The following FUT9 variants were observed in gnomAD, a reference collection of about 807,000 sequenced individuals.
The protein encoded by FUT9 is fucosyltransferase 9.
FUT9 carries 15 observed loss-of-function variants against 29.7 expected under a neutral mutation model. The ratio of observed to expected loss-of-function variants is 0.51; its 90% CI spans 0.34 to 0.78. The LOEUF is 0.78. Ranked by LOEUF, FUT9 falls within the 30% of genes least tolerant of loss-of-function variation. The pLI, the probability that FUT9 is intolerant of heterozygous loss-of-function variation, is 0.01. For synonymous variants in FUT9, 169 were observed against 153.7 expected (o/e 1.10, Z -0.74); for missense variants, 319 against 425.4 (o/e 0.75, Z 2.20).
At position 96,165,847 on chromosome 6, in the gene FUT9, C is replaced by T. The variant is rs141918254; in HGVS notation, c.-8-37301C>T. On this transcript the variant is annotated intron_variant, in intron 2 of 2. Coordinates refer to ENST00000302103, the MANE Select transcript of FUT9 (RefSeq NM_006581.4). Reference sequence around the variant, plus strand: ...CCCAGGCTGGTCTTGGACTCTTGACCTCAAGTGATCCACCAGCCTCAACCT... The same window carrying T: ...CCCAGGCTGGTCTTGGACTCTTGACTTCAAGTGATCCACCAGCCTCAACCT... Among the ~76,000 whole-genome samples the T allele has an allele frequency of 9.4e-3, 1,430 of 152,168 alleles. 24 individuals are homozygous for T. Among genetic ancestry groups the T allele is most frequent in the African/African-American group, 0.033 (1,371 of 41,518 alleles).
chr6:96,120,184 T>G (rs921920976), intron 2 of FUT9, among the ~76,000 whole-genome samples: 3 of 151,968 alleles, frequency 2.0e-5, no homozygotes, highest in Non-Finnish European at 2.9e-5. Context: ...TCTATTTTAT[T>G]TGTTTTGTTT....
chr6:96,172,834 T>C (rs1582284226), intron 2 of FUT9, among the ~76,000 whole-genome samples: 1 of 152,148 alleles, frequency 6.6e-6, no homozygotes, highest in Non-Finnish European at 1.5e-5. Flanking sequence ...TTCTCAATCT[T>C]GAAGGGAGCA....
intron 2 of FUT9, among the ~76,000 whole-genome samples, chr6:96,168,174 G>A (rs1773048226): frequency 6.6e-6 from 1 of 152,148 alleles, no homozygotes; most frequent in Admixed American, 6.6e-5. Context: ...GATTTGATGA[G>A]CTTTATTTGA....
At chr6:96,131,577 G>A (rs1286977529) in intron 2 of FUT9, among the ~76,000 whole-genome samples, 6 of 152,182 alleles carry the variant, frequency 3.9e-5, no homozygotes, top group East Asian at 1.9e-4. Flanking sequence ...CAGCTTATTC[G>A]CATTCTACTG....
chr6:96,197,870 T>C (rs1316373738), intron 2 of FUT9, among the ~76,000 whole-genome samples: 2 of 152,162 alleles, frequency 1.3e-5, no homozygotes, highest in Non-Finnish European at 2.9e-5. Flanking sequence ...TATTGAACTT[T>C]GTTCTATAGC....
intron 2 of FUT9, among the ~76,000 whole-genome samples, chr6:96,136,345 A>G (rs1772349436): frequency 6.6e-6 from 1 of 151,904 alleles, no homozygotes; most frequent in Non-Finnish European, 1.5e-5. Flanking sequence ...AGTTAGATTC[A>G]ATGAGAAATA....
At chr6:96,071,983 C>A (rs975163115) in intron 1 of FUT9, among the ~76,000 whole-genome samples, 1 of 152,000 alleles carries the variant, frequency 6.6e-6, no homozygotes, top group Non-Finnish European at 1.5e-5. Context: ...AGATGTGGTG[C>A]AAAATGCTCT....
intron 1 of FUT9, among the ~76,000 whole-genome samples, chr6:96,112,074 G>T (rs2127961070): frequency 6.6e-6 from 1 of 152,258 alleles, no homozygotes; most frequent in Admixed American, 6.5e-5. Flanking sequence ...AGATAGTTAA[G>T]CAGAATAGTC....
chr6:96,145,954 G>A (rs55989725), intron 2 of FUT9, among the ~76,000 whole-genome samples: 1 of 4,116 alleles, frequency 2.4e-4, no homozygotes, highest in African/African-American at 2.6e-4. Context: ...CTCCCAGGTT[G>A]AGGTCCTCCT....
At chr6:96,061,434 A>C (rs956122584) in intron 1 of FUT9, among the ~76,000 whole-genome samples, 1 of 150,870 alleles carries the variant, frequency 6.6e-6, no homozygotes, top group African/African-American at 2.4e-5. Flanking sequence ...ATAGTTTTAC[A>C]AACGCTTTCA....
rs1212599318 is a variant in FUT9, at chr6:96,204,114, A to G, written c.959A>G (p.Lys320Arg). ...KLYLSYFNWR[K>R]DFTVNLPRFW... ...TACCTTAGTTACTTTAACTGGAGGA[A>G]GGATTTCACTGTAAATCTTCCACGA... is the stretch of plus-strand genomic sequence containing the variant. The change falls in exon 3 of 3, where the codon AAG becomes AGG. Residue 320 changes from lysine (K) to arginine (R), a missense_variant. By Grantham distance (26) the Lys-to-Arg change is conservative. Transcript: ENST00000302103. The G allele has an allele frequency of 6.6e-7, 1 of 1,504,938 alleles. No homozygotes were observed. Among genetic ancestry groups the G allele is most frequent in the East Asian group, 2.3e-5 (1 of 43,928 alleles). 93.2% of individuals were successfully genotyped at this position (1,504,938 alleles called of 1,614,324 possible).
chr6:96,164,988 G>C (rs1772987081), intron 2 of FUT9, among the ~76,000 whole-genome samples: 1 of 152,156 alleles, frequency 6.6e-6, no homozygotes, highest in Admixed American at 6.5e-5. Context: ...TCAGAGATGG[G>C]CTAGAGGAAT....
chr6:96,089,769 A>G (rs1771379570), intron 1 of FUT9, among the ~76,000 whole-genome samples: 2 of 152,194 alleles, frequency 1.3e-5, no homozygotes, highest in Admixed American at 1.3e-4. Context: ...GAAAAAAGGA[A>G]TCATAACAGC....
chr6:96,022,320 T>A (rs1054111454), intron 1 of FUT9, among the ~76,000 whole-genome samples: 8 of 152,170 alleles, frequency 5.3e-5, no homozygotes, highest in Admixed American at 4.6e-4. Flanking sequence ...AGAGGCTGCA[T>A]GAAGGCAGTC....
At position 96,035,675 on chromosome 6, in the gene FUT9, TATA is replaced by T. The variant is rs553873476; in HGVS notation, c.-98+19467_-98+19469del. On this transcript the variant is annotated intron_variant, in intron 1 of 2. Coordinates refer to ENST00000302103, the MANE Select transcript of FUT9 (RefSeq NM_006581.4). ...ATACTAATATAATATTATATTAAAATATAATATTATATTTATTATACTAATAAA... is the reference window on the plus strand; with the variant it reads ...ATACTAATATAATATTATATTAAAATATATTATATTTATTATACTAATAAA... Among the ~76,000 whole-genome samples, 1,220 of 139,656 alleles carry T rather than the reference TATA, an allele frequency of 8.7e-3. 17 individuals are homozygous for T. The highest frequency in any genetic ancestry group is 0.03 in the African/African-American group (1,156 of 38,354). 91.6% of individuals were successfully genotyped at this position (139,656 alleles called of 152,430 possible).
chr6:96,128,332 T>C (rs1443462692), intron 2 of FUT9, among the ~76,000 whole-genome samples: 1 of 152,142 alleles, frequency 6.6e-6, no homozygotes, highest in Admixed American at 6.5e-5. Flanking sequence ...AAATAAAGTA[T>C]GAATAGTCAT....
intron 2 of FUT9, among the ~76,000 whole-genome samples, chr6:96,192,711 T>C (rs1242455630): frequency 5.3e-5 from 8 of 151,896 alleles, no homozygotes; most frequent in Non-Finnish European, 8.8e-5. Flanking sequence ...ACTTTAAAGT[T>C]CATATGGAAC....
chr6:96,178,308 C>T (rs556486716), intron 2 of FUT9, among the ~76,000 whole-genome samples: 4 of 152,172 alleles, frequency 2.6e-5, no homozygotes, highest in Admixed American at 1.3e-4. Context: ...AATATCACAA[C>T]GTATTTCCTC....
intron 2 of FUT9, among the ~76,000 whole-genome samples, chr6:96,156,917 A>G (rs1772796091): frequency 6.6e-6 from 1 of 152,214 alleles, no homozygotes; most frequent in Admixed American, 6.5e-5. Context: ...TACATAAAAA[A>G]CAGAAGCATG....
Sources: allele counts gnomAD v4.1 joint callset (sites outside exome capture counted in the v4.1 genomes callset), GRCh38; gene constraint gnomAD v4.1.1; transcripts MANE v1.5; gene names NCBI Gene and HGNC (gene_info 2026-07-23, HGNC 2026-07-21).